PITPNM3: variants seen among roughly 807,000 people sequenced by gnomAD.
PITPNM3 encodes the protein PITPNM family member 3.
A neutral mutation model predicts 102.0 loss-of-function variants in PITPNM3; 26 were observed. The observed-to-expected ratio is 0.25, with a 90% CI of 0.19 to 0.35. The LOEUF (loss-of-function observed/expected upper bound fraction) is 0.35, where lower values mean the gene tolerates loss of function less well. PITPNM3 is among the 10% of genes least tolerant of loss of function. The probability of loss-of-function intolerance (pLI) is 1.00; values close to 1 mark genes in which losing one functional copy is unlikely to be tolerated. For synonymous variants in PITPNM3, 578 were observed against 558.6 expected (o/e 1.03, Z -0.49); for missense variants, 1,083 against 1,346.1 (o/e 0.80, Z 3.06).
intron 4 of PITPNM3, among the ~76,000 whole-genome samples, chr17:6,495,598 C>T (rs1410912898): frequency 1.3e-5 from 2 of 152,152 alleles, no homozygotes; most frequent in Non-Finnish European, 2.9e-5. Context: ...CAAAAGGGAC[C>T]ACCAGGCTGG....
chr17:6,451,875 C>CCCA lies in PITPNM3; in HGVS notation c.*3462_*3463insTGG, dbSNP rs1913853170. ...TTTCCAGGGCACTTGGCACCCAAAC[C>CCCA]CCCCCCCCCCGCCCGCCGATGGGAT... On this transcript the variant is annotated 3_prime_UTR_variant, in exon 20 of 20. Coordinates refer to ENST00000262483, the MANE Select transcript of PITPNM3 (RefSeq NM_031220.4). 5.4e-4 allele frequency: 11 copies of CCCA among 20,470 alleles called. No homozygotes were observed. Among genetic ancestry groups the CCCA allele is most frequent in the African/African-American group, 2.8e-3 (11 of 3,904 alleles). 1.3% of individuals were successfully genotyped at this position (20,470 alleles called of 1,614,324 possible).
intron 3 of PITPNM3, among the ~76,000 whole-genome samples, chr17:6,507,065 A>C (rs906195690): frequency 2.4e-4 from 37 of 151,788 alleles, no homozygotes; most frequent in African/African-American, 7.7e-4. Context: ...ACCTAACCTC[A>C]GCCCTGCCTG....
At chr17:6,511,261 G>C (rs1481685562) in intron 3 of PITPNM3, among the ~76,000 whole-genome samples, 1 of 152,210 alleles carries the variant, frequency 6.6e-6, no homozygotes, top group African/African-American at 2.4e-5. Flanking sequence ...GTGGCAGAAT[G>C]ATAGGACTGG....
At chr17:6,467,080 C>CAAAAAAAAAAAAAAAAAAAAAA (rs752960279) in intron 14 of PITPNM3, among the ~76,000 whole-genome samples, 1 of 60,910 alleles carries the variant, frequency 1.6e-5, no homozygotes, top group Non-Finnish European at 5.4e-5. Flanking sequence ...AAAAAAAAAA[C>CAAAAAAAAAAAAAAAAAAAAAA]CAAAAAAAAA....
intron 1 of PITPNM3, among the ~76,000 whole-genome samples, chr17:6,544,311 G>A (rs1909890637): frequency 1.3e-5 from 2 of 152,194 alleles, no homozygotes; most frequent in African/African-American, 4.8e-5. Flanking sequence ...GATTGCTTGA[G>A]CCCAGGAGTT....
chr17:6,458,598 C>T lies in PITPNM3; in HGVS notation c.2491-876G>A, dbSNP rs1376216281. On this transcript the variant is annotated intron_variant, in intron 18 of 19. Coordinates refer to ENST00000262483, the MANE Select transcript of PITPNM3 (RefSeq NM_031220.4). The surrounding 1 kb of genome is among the most constrained non-coding windows in gnomAD (Gnocchi z 5.1). ...ACTGTGAACTTCCACATGTCCGCTCCGCTCAGGGCTTCTGCCCCCTCCCCA... is the reference window on the plus strand; with the variant it reads ...ACTGTGAACTTCCACATGTCCGCTCTGCTCAGGGCTTCTGCCCCCTCCCCA... Among the ~76,000 whole-genome samples the T allele has an allele frequency of 4.6e-5, 7 of 152,134 alleles. No individual in the cohort carries two copies. The highest frequency in any genetic ancestry group is 1.2e-4 in the African/African-American group (5 of 41,418).
intron 1 of PITPNM3, among the ~76,000 whole-genome samples, chr17:6,543,505 C>T (rs1909841774): frequency 6.6e-6 from 1 of 152,228 alleles, no homozygotes; most frequent in African/African-American, 2.4e-5. Context: ...GAGGGGAAGA[C>T]ATTTCACAGT....
At position 6,477,162 on chromosome 17, in the gene PITPNM3, G is replaced by A. The variant is rs1028175625; in HGVS notation, c.952C>T (p.Leu318Phe). The A allele has an allele frequency of 1.9e-6, 3 of 1,614,218 alleles. No homozygotes were observed. The highest frequency in any genetic ancestry group is 3.3e-5 in the Admixed American group (2 of 60,032). The change falls in exon 9 of 20, where the codon CTC (leucine) becomes TTC (phenylalanine). Residue 318 changes from leucine (L) to phenylalanine (F), a missense_variant. Leu to Phe is a conservative substitution (Grantham distance 22, BLOSUM62 0). Around this residue, in one of 5 missense-constraint regions of PITPNM3, gnomAD observed 172 missense variants for 175.6 expected, o/e 0.98. Coordinates refer to ENST00000262483, the MANE Select transcript of PITPNM3 (RefSeq NM_031220.4). ...EDCSLASSKRLSKSNIDISSG... is the reference protein window; with the variant it reads ...EDCSLASSKRFSKSNIDISSG... ...GAGATGTCAATGTTGCTTTTGCTGA[G>A]ACGCTTGCTGCTGGCCAGGCTGCAA... is the stretch of plus-strand genomic sequence containing the variant.
chr17:6,532,415 A>T (rs959142745), intron 2 of PITPNM3, among the ~76,000 whole-genome samples: 2 of 152,084 alleles, frequency 1.3e-5, no homozygotes, highest in Non-Finnish European at 2.9e-5. Flanking sequence ...TACCTGTAAA[A>T]CCATTACCCC....
chr17:6,523,025 A>G (rs936712409), intron 3 of PITPNM3, among the ~76,000 whole-genome samples: 3 of 152,170 alleles, frequency 2.0e-5, no homozygotes, highest in Non-Finnish European at 2.9e-5. Flanking sequence ...TCACACGAGA[A>G]TGGGACTTGG....
intron 4 of PITPNM3, among the ~76,000 whole-genome samples, chr17:6,499,080 C>G (rs1324379013): frequency 6.6e-6 from 1 of 152,094 alleles, no homozygotes; most frequent in Non-Finnish European, 1.5e-5. Context: ...AGTAGGTCAC[C>G]CAGGTCTCCT....
chr17:6,495,931 C>T (rs772208433), intron 4 of PITPNM3, among the ~76,000 whole-genome samples: 5 of 152,170 alleles, frequency 3.3e-5, no homozygotes, highest in South Asian at 2.1e-4. Flanking sequence ...CATCTCTGCC[C>T]GACTCAGCCC....
At position 6,478,597 on chromosome 17, in the gene PITPNM3, C is replaced by T. The variant is rs772958490; in HGVS notation, c.727G>A (p.Val243Ile). 6.2e-7 allele frequency: 1 copy of T among 1,614,004 alleles called. No homozygotes were observed. Among genetic ancestry groups the T allele is most frequent in the African/African-American group, 1.3e-5 (1 of 74,926 alleles). The change falls in exon 7 of 20, where the codon GTC becomes ATC. Residue 243 changes from valine to isoleucine, a missense_variant. Around this residue, in one of 5 missense-constraint regions of PITPNM3, gnomAD observed 290 missense variants for 337.8 expected, o/e 0.86. Coordinates refer to ENST00000262483, the MANE Select transcript of PITPNM3 (RefSeq NM_031220.4). This position sits in a 1 kb window ranked among gnomAD's most constrained non-coding sequence, Gnocchi z 4.4. ...VATVIERANQ[V>I]YREFLKSSDG... ...GAGGACTTCAGGAACTCTCTGTAGA[C>T]CTGGTTGGCTCGCTCGATGACGGTG... is the stretch of plus-strand genomic sequence containing the variant.
Position 6,458,823 on chromosome 17 carries a change from T to C in PITPNM3, c.2491-1101A>G, listed in dbSNP as rs1017135418. On this transcript the variant is annotated intron_variant, in intron 18 of 19. Coordinates refer to ENST00000262483, the MANE Select transcript of PITPNM3 (RefSeq NM_031220.4). This position sits in a 1 kb window ranked among gnomAD's most constrained non-coding sequence, Gnocchi z 5.1. ...CCGGCCAAATCTCAGCCCTGGAAAT[T>C]TTTTCCACTATCCACCTTGTGTTTT... 6.6e-6 allele frequency among the ~76,000 whole-genome samples: 1 copy of C among 151,770 alleles called. No individual in the cohort carries two copies. The highest frequency in any genetic ancestry group is 1.5e-5 in the Non-Finnish European group (1 of 67,952).
chr17:6,555,867 C>G (rs1430587258), intron 1 of PITPNM3, among the ~76,000 whole-genome samples: 2 of 152,048 alleles, frequency 1.3e-5, no homozygotes, highest in African/African-American at 2.4e-5. Context: ...CGGCCAGCAG[C>G]CGGCGCGGCA....
At chr17:6,539,754 C>T (rs931820247) in intron 1 of PITPNM3, among the ~76,000 whole-genome samples, 1 of 152,194 alleles carries the variant, frequency 6.6e-6, no homozygotes, top group African/African-American at 2.4e-5. Flanking sequence ...ATATCTACTA[C>T]ATTTGCATAC....
chr17:6,545,172 G>A (rs1909958256), intron 1 of PITPNM3, among the ~76,000 whole-genome samples: 1 of 152,142 alleles, frequency 6.6e-6, no homozygotes, highest in Non-Finnish European at 1.5e-5. Flanking sequence ...TGTAAAACGG[G>A]GAGGATAATC....
chr17:6,539,184 G>A (rs1406202195), intron 1 of PITPNM3, among the ~76,000 whole-genome samples: 1 of 151,730 alleles, frequency 6.6e-6, no homozygotes, highest in Non-Finnish European at 1.5e-5. Context: ...CTAGGTACAA[G>A]GCTGATTCCC....
Position 6,453,033 on chromosome 17 carries a change from T to TCTTC in PITPNM3, c.*2304_*2305insGAAG. The TCTTC allele has an allele frequency of 1.7e-5, 1 of 58,780 alleles. No individual in the cohort carries two copies. Among genetic ancestry groups the TCTTC allele is most frequent in the Admixed American group, 2.6e-4 (1 of 3,838 alleles). The allele number at this position is 58,780 out of a possible 1,614,324, so 3.6% of individuals were successfully genotyped here. ...CTCTCTCTCTCTCTCTGCCTTCCTG[T>TCTTC]CTTTCTTTCTCCCTCTCTCTCTCTG... On this transcript the variant is annotated 3_prime_UTR_variant, in exon 20 of 20. Coordinates refer to ENST00000262483, the MANE Select transcript of PITPNM3 (RefSeq NM_031220.4).
Sources: gnomAD v4.1 joint callset for allele counts (sites outside exome capture counted in the v4.1 genomes callset) on GRCh38, gnomAD v4.1.1 for gene constraint, gnomAD v4.1.1 regional missense constraint, Gnocchi (gnomAD v3.1) non-coding constraint, MANE v1.5 for transcripts, NCBI Gene and HGNC (gene_info 2026-07-23, HGNC 2026-07-21) for gene names.